IKBKE: variants seen among roughly 807,000 people sequenced by gnomAD.
IKBKE encodes inhibitor of nuclear factor kappa-B kinase subunit epsilon.
In IKBKE, 45 loss-of-function variants were observed where a neutral mutation model predicts 92.1. That is an observed-to-expected ratio of 0.49 (90% CI 0.38 to 0.63). The LOEUF (loss-of-function observed/expected upper bound fraction) is 0.63. Ranked by LOEUF, IKBKE falls within the 20% of genes least tolerant of loss-of-function variation. The pLI is 0.00. For synonymous variants in IKBKE, 374 were observed against 380.3 expected, an observed-to-expected ratio of 0.98 and a Z score of 0.19; for missense variants, 700 against 932.8, an observed-to-expected ratio of 0.75 and a Z score of 3.25.
rs1553386062 is a variant in IKBKE, at chr1:206,478,336, A to T, written c.989A>T (p.Asn330Ile). ...CACCACATCTATATCCATGCCCACA[A>T]CACGTAAGTGGGGGCGAGGGAGGGA... Reference protein sequence around the residue: ...VLHHIYIHAHNTIAIFQEAVH... With the variant: ...VLHHIYIHAHITIAIFQEAVH... Residue 330 changes from asparagine to isoleucine, a missense_variant, in exon 9 of 22, where the codon AAC becomes ATC. Physicochemically the swap from Asn to Ile is moderately radical, Grantham distance 149. Coordinates refer to ENST00000581977, the MANE Select transcript of IKBKE (RefSeq NM_014002.4). This position sits in a 1 kb window ranked among gnomAD's most constrained non-coding sequence, Gnocchi z 4.8. The T allele has an allele frequency of 3.1e-6, 5 of 1,612,814 alleles. No homozygotes were observed. Among genetic ancestry groups the T allele is most frequent in the Non-Finnish European group, 4.2e-6 (5 of 1,179,840 alleles).
intron 18 of IKBKE, 139 bp downstream of exon 18, chr1:206,491,888 C>G: frequency 1.6e-6 from 1 of 621,156 alleles, no homozygotes; most frequent in East Asian, 3.0e-5. Flanking sequence ...GGTTTTCTGT[C>G]CCTGGGTGGA....
rs1374938537 is a variant in IKBKE, at chr1:206,478,153, A to G, written c.813-7A>G. 6 of 1,612,610 alleles carry G rather than the reference A, an allele frequency of 3.7e-6. No individual in the cohort carries two copies. The African/African-American group carries it at 5.3e-5, about 14-fold the overall frequency. ...CCCCTGACAGTCTCCATGTCCTGGG[A>G]GGGCAGGGGGCTGCAGAGCCAGCTG... On this transcript the variant is annotated splice_polypyrimidine_tract_variant and splice_region_variant and intron_variant, in intron 8 of 21. Transcript: ENST00000581977. The surrounding 1 kb of genome is among the most constrained non-coding windows in gnomAD (Gnocchi z 4.8).
intron 5 of IKBKE, chr1:206,475,242 A>G: frequency 4.1e-6 from 2 of 490,948 alleles, no homozygotes; most frequent in Non-Finnish European, 3.6e-6. Context: ...ATTCAGTCTT[A>G]AAAGGAAAGA....
chr1:206,482,169 G>A (rs1484787086), intron 13 of IKBKE, among the ~76,000 whole-genome samples: 3 of 152,138 alleles, frequency 2.0e-5, no homozygotes, highest in Non-Finnish European at 4.4e-5. Context: ...CCTGTTCGGG[G>A]GAAAGGAGGG....
Position 206,478,928 on chromosome 1 carries a change from C to T in IKBKE, c.993-15C>T, listed in dbSNP as rs2103460758. 3 of 1,613,542 alleles carry T rather than the reference C, an allele frequency of 1.9e-6. No homozygotes were observed. The highest frequency in any genetic ancestry group is 1.7e-6 in the Non-Finnish European group (2 of 1,179,600). On this transcript the variant is annotated splice_polypyrimidine_tract_variant and intron_variant, in intron 9 of 21. Transcript: ENST00000581977. This position sits in a 1 kb window ranked among gnomAD's most constrained non-coding sequence, Gnocchi z 4.8. ...ACACCCCCTGCCCTCTGCTCCCCAC[C>T]ACGGCTGTGTCTAGGATAGCCATTT...
In IKBKE at chr1:206,487,602, G is replaced by T. The variant is rs1665729521; in HGVS notation, c.1617-312G>T. 6.6e-6 allele frequency among the ~76,000 whole-genome samples: 1 copy of T among 152,090 alleles called. No individual in the cohort carries two copies. The highest frequency in any genetic ancestry group is 2.4e-5 in the African/African-American group (1 of 41,390). On this transcript the variant is annotated intron_variant, in intron 15 of 21. Coordinates refer to ENST00000581977, the MANE Select transcript of IKBKE (RefSeq NM_014002.4). The surrounding 1 kb of genome is among the most constrained non-coding windows in gnomAD (Gnocchi z 5.3). ...AGGGCCTAGTCTCACAACTTCTCAG[G>T]TAGTAAAGGCCACGTTCCTGTTGCC...
At position 206,485,325 on chromosome 1, in the gene IKBKE, C is replaced by T. The variant is rs2103472898; in HGVS notation, c.1616+19C>T. The T allele has an allele frequency of 6.6e-7, 1 of 1,504,526 alleles. No homozygotes were observed. The highest frequency in any genetic ancestry group is 9.3e-7 in the Non-Finnish European group (1 of 1,080,380). 93.2% of individuals were successfully genotyped at this position (1,504,526 alleles called of 1,614,324 possible). On this transcript the variant is annotated intron_variant, in intron 15 of 21. Transcript: ENST00000581977. The surrounding 1 kb of genome is among the most constrained non-coding windows in gnomAD (Gnocchi z 5.0). ...ACAGAAGGTCTGTGGGATTTTCCTTCTTTGTGGGGTGGGAGTGGGGGAGTG... is the reference window on the plus strand; with the variant it reads ...ACAGAAGGTCTGTGGGATTTTCCTTTTTTGTGGGGTGGGAGTGGGGGAGTG...
chr1:206,493,899 T>C, intron 20 of IKBKE, 21 bp from the exon 21 acceptor site: 3 of 1,612,598 alleles, frequency 1.9e-6, no homozygotes, highest in Non-Finnish European at 2.5e-6. Context: ...CAGCCGCCTC[T>C]CCTGCCTCTG....
chr1:206,489,395 A>AGACACACACACACATACATGGAGTGTC (rs1665832570), intron 16 of IKBKE, among the ~76,000 whole-genome samples: 3 of 144,678 alleles, frequency 2.1e-5, no homozygotes, highest in African/African-American at 7.7e-5. Context: ...ATATATATAT[A>AGACACACACACACATACATGGAGTGTC]TATATACACA....
Position 206,477,863 on chromosome 1 carries a change from A to T in IKBKE, c.812+4A>T, listed in dbSNP as rs2103458566. Reference sequence around the variant, plus strand: ...CCATCACCTGCCAGCTGTCACTGTGAGTGGGACCCTGCTGGGGGGTGATGC... The same window carrying T: ...CCATCACCTGCCAGCTGTCACTGTGTGTGGGACCCTGCTGGGGGGTGATGC... On this transcript the variant is annotated splice_donor_region_variant and intron_variant, in intron 8 of 21. Transcript: ENST00000581977. The T allele has an allele frequency of 6.5e-7, 1 of 1,528,786 alleles. No individual in the cohort carries two copies. The highest frequency in any genetic ancestry group is 8.9e-7 in the Non-Finnish European group (1 of 1,126,486). The allele number at this position is 1,528,786 out of a possible 1,614,324, so 94.7% of individuals were successfully genotyped here.
At chr1:206,493,878 A>G (rs1174352143) in intron 20 of IKBKE, 42 bp from the exon 21 acceptor site, 3 of 1,578,078 alleles carry the variant, frequency 1.9e-6, no homozygotes, top group East Asian at 4.5e-5. Flanking sequence ...GGGCAGGGCA[A>G]CTTCCAGCCT....
intron 12 of IKBKE, 95 bp downstream of exon 12, chr1:206,480,208 G>A: frequency 2.8e-6 from 1 of 362,304 alleles, no homozygotes; most frequent in South Asian, 2.1e-5. Flanking sequence ...GATGGGTGGG[G>A]GGTGGGCAGG....
At chr1:206,493,830 G>A (rs1666079896) in intron 20 of IKBKE, 90 bp from the exon 21 acceptor site, 1 of 905,496 alleles carries the variant, frequency 1.1e-6, no homozygotes, top group Non-Finnish European at 1.8e-6. Flanking sequence ...TCTTTGGTGG[G>A]GCTGCAGAGG....
chr1:206,496,239 C>A lies in IKBKE; in HGVS notation c.*94C>A, dbSNP rs1666232846. ...GACCAACCCAGGGCAAGATCCCATCCCATCACATCAGCCTACCTCCCTCCT... is the reference window on the plus strand; with the variant it reads ...GACCAACCCAGGGCAAGATCCCATCACATCACATCAGCCTACCTCCCTCCT... On this transcript the variant is annotated 3_prime_UTR_variant, in exon 22 of 22. Transcript: ENST00000581977. 1 of 1,022,030 alleles carries A rather than the reference C, an allele frequency of 9.8e-7. No homozygotes were observed. The highest frequency in any genetic ancestry group is 1.6e-6 in the Non-Finnish European group (1 of 643,498). The allele number at this position is 1,022,030 out of a possible 1,614,324, so 63.3% of individuals were successfully genotyped here.
At position 206,487,291 on chromosome 1, in the gene IKBKE, T is replaced by C. The variant is rs1665715420; in HGVS notation, c.1617-623T>C. Among the ~76,000 whole-genome samples the C allele has an allele frequency of 6.6e-6, 1 of 152,162 alleles. No homozygotes were observed. Among genetic ancestry groups the C allele is most frequent in the South Asian group, 2.1e-4 (1 of 4,834 alleles). On this transcript the variant is annotated intron_variant, in intron 15 of 21. Transcript: ENST00000581977. The surrounding 1 kb of genome is among the most constrained non-coding windows in gnomAD (Gnocchi z 5.3). ...CAGCCTGAAAAGGGGAAGGAAGAAA[T>C]AATAATGACCTTCAACCCCAGAACA... is the stretch of plus-strand genomic sequence containing the variant.
intron 7 of IKBKE, among the ~76,000 whole-genome samples, chr1:206,477,241 GA>G (rs1299505254): frequency 6.6e-6 from 1 of 152,178 alleles, no homozygotes; most frequent in African/African-American, 2.4e-5. Flanking sequence ...CAAGTGGCTG[GA>G]GACAGTAGCG....
rs17023772 is a variant in IKBKE, at chr1:206,487,543, C to T, written c.1617-371C>T. On this transcript the variant is annotated intron_variant, in intron 15 of 21. Transcript: ENST00000581977. The surrounding 1 kb of genome is among the most constrained non-coding windows in gnomAD (Gnocchi z 5.3). Reference sequence around the variant, plus strand: ...TATCCCCAGCTGTCACTGCCAGACACGCTCTTAGGTTTCAGGGGCCTAGGC... The same window carrying T: ...TATCCCCAGCTGTCACTGCCAGACATGCTCTTAGGTTTCAGGGGCCTAGGC... 0.044 allele frequency among the ~76,000 whole-genome samples: 6,726 copies of T among 152,222 alleles called. 197 individuals carry two copies. The highest frequency in any genetic ancestry group is 0.096 in the African/African-American group (3,985 of 41,514).
At position 206,476,574 on chromosome 1, in the gene IKBKE, G is replaced by A. The variant is rs927954428; in HGVS notation, c.541-104G>A. On this transcript the variant is annotated intron_variant, in intron 6 of 21. Transcript: ENST00000581977. The surrounding 1 kb of genome is among the most constrained non-coding windows in gnomAD (Gnocchi z 5.1). ...TTTTTAAGATGACAAAGAAGGATTT[G>A]AACAGTTCTGTTTTCACCTGCAGGC... 2 of 1,374,780 alleles carry A rather than the reference G, an allele frequency of 1.5e-6. No homozygotes were observed. Among genetic ancestry groups the A allele is most frequent in the South Asian group, 1.3e-5 (1 of 76,524 alleles). The allele number at this position is 1,374,780 out of a possible 1,614,324, so 85.2% of individuals were successfully genotyped here. A position where few individuals can be genotyped will look rare whatever the true frequency, so the allele number is the denominator to read the frequency against.
rs1485588787 is a variant in IKBKE at position 206,478,069 on chromosome 1, A to C, written c.813-91A>C. ...CCCACCATCTTGGTCCTAGCTCTTC[A>C]GGATATTCTCTTAGAACGCTCCTAT... is the stretch of plus-strand genomic sequence containing the variant. On this transcript the variant is annotated intron_variant, in intron 8 of 21. Transcript: ENST00000581977. The surrounding 1 kb of genome is among the most constrained non-coding windows in gnomAD (Gnocchi z 4.8). 4.6e-6 allele frequency: 5 copies of C among 1,086,726 alleles called. No individual in the cohort carries two copies. Among genetic ancestry groups the C allele is most frequent in the East Asian group, 5.2e-5 (2 of 38,456 alleles). 67.3% of individuals were successfully genotyped at this position (1,086,726 alleles called of 1,614,324 possible). A position where few individuals can be genotyped will look rare whatever the true frequency, so the allele number is the denominator to read the frequency against.
Sources: allele counts gnomAD v4.1 joint callset (sites outside exome capture counted in the v4.1 genomes callset), GRCh38; gene constraint gnomAD v4.1.1; non-coding constraint Gnocchi (gnomAD v3.1); transcripts MANE v1.5; gene names NCBI Gene and HGNC (gene_info 2026-07-23, HGNC 2026-07-21).